Variants in SAR1A observed in about 807,000 individuals in gnomAD.
SAR1A encodes secretion associated Ras related GTPase 1A, also known as small COPII coat GTPase SAR1A.
Under a neutral mutation model 22.6 loss-of-function variants are expected in SAR1A, and 6 were observed. The ratio of observed to expected loss-of-function variants is 0.27; its 90% CI spans 0.15 to 0.52. SAR1A has a LOEUF of 0.52. Among genes scored for constraint, SAR1A ranks in the 20% least tolerant of loss-of-function variants. The pLI, the probability that SAR1A is intolerant of heterozygous loss-of-function variation, is 0.96. For synonymous variants in SAR1A, 70 were observed against 82.2 expected (o/e 0.85, Z 0.80); for missense variants, 145 against 245.1 (o/e 0.59, Z 2.73).
chr10:70,163,983 A>C (rs1443774364), intron 1 of SAR1A: 1 of 1,186,458 alleles, frequency 8.4e-7, no homozygotes, highest in East Asian at 2.3e-5. Context: ...CAATGGCTAT[A>C]TTAGTGGTGT....
Position 70,153,853 on chromosome 10 carries a change from T to C in SAR1A, c.465A>G (p.Gly155=). The change falls in exon 6 of 7, where the codon GGA becomes GGG. Residue 155 remains glycine, a synonymous_variant. Coordinates refer to ENST00000373241, the MANE Select transcript of SAR1A (RefSeq NM_020150.5). ...TTTCTCTTACCTTTCCTGTGGTCTG[T>C]CCATAAAGCCCAAATATCTCACGGA... ...EKLREIFGLY[G]QTTGKGNVTL... is the part of the protein sequence containing the mutation. The C allele has an allele frequency of 1.9e-6, 3 of 1,597,320 alleles. No homozygotes were observed. Among genetic ancestry groups the C allele is most frequent in the Non-Finnish European group, 2.6e-6 (3 of 1,175,622 alleles).
At chr10:70,166,071 T>A (rs1023361569) in intron 1 of SAR1A, among the ~76,000 whole-genome samples, 42 of 152,380 alleles carry the variant, frequency 2.8e-4, no homozygotes, top group African/African-American at 8.4e-4. Flanking sequence ...AAGTATTTTT[T>A]AAATAAGGTA....
In SAR1A at chr10:70,157,780, G is replaced by A; in HGVS notation, c.332C>T (p.Ser111Phe). 6.2e-7 allele frequency: 1 copy of A among 1,612,222 alleles called. No homozygotes were observed. Among genetic ancestry groups the A allele is most frequent in the Non-Finnish European group, 8.5e-7 (1 of 1,178,418 alleles). Residue 111 changes from serine to phenylalanine, a missense_variant, in exon 5 of 7, where the codon TCC (serine) becomes TTC (phenylalanine). Around this residue, in one of 3 missense-constraint regions of SAR1A, gnomAD observed 83 missense variants for 114.7 expected, o/e 0.72. Transcript: ENST00000373241. ...AAAACATACATTAAGCTCAACTTTG[G>A]ATTCCACGAGGCGAGAATGATCTGC... The part of the protein sequence containing the change: ...DCADHSRLVE[S>F]KVELNALMTD...
At chr10:70,157,060 A>C (rs1381292894) in intron 5 of SAR1A, among the ~76,000 whole-genome samples, 2 of 152,082 alleles carry the variant, frequency 1.3e-5, no homozygotes, top group Admixed American at 1.3e-4. Context: ...AATGTAAAGA[A>C]CTCTAATATC....
At chr10:70,169,850 T>C (rs943454726) in intron 1 of SAR1A, among the ~76,000 whole-genome samples, 2 of 152,122 alleles carry the variant, frequency 1.3e-5, no homozygotes, top group Non-Finnish European at 1.5e-5. Flanking sequence ...AATTTTTCCA[T>C]GCAGAGACCA....
chr10:70,164,819 A>C (rs1182414073), intron 1 of SAR1A, among the ~76,000 whole-genome samples: 1 of 152,186 alleles, frequency 6.6e-6, no homozygotes, highest in Non-Finnish European at 1.5e-5. Flanking sequence ...TTTTAAGCCC[A>C]CTGTGAAGAC....
At chr10:70,166,399 T>C (rs1839550810) in intron 1 of SAR1A, among the ~76,000 whole-genome samples, 1 of 152,162 alleles carries the variant, frequency 6.6e-6, no homozygotes, top group Admixed American at 6.5e-5. Flanking sequence ...ATGCACTAAA[T>C]AGAAAATAAG....
At chr10:70,157,895 A>G in intron 4 of SAR1A, 28 bp from the exon 5 acceptor site, 12 of 1,438,394 alleles carry the variant, frequency 8.3e-6, no homozygotes, top group Non-Finnish European at 1.2e-5. Context: ...TAGTTGCATG[A>G]GTAAAAAATA....
rs372392774 is a variant in SAR1A at position 70,161,768 on chromosome 10, T to C, written c.59-30A>G. 8.1e-6 allele frequency: 13 copies of C among 1,613,666 alleles called. No homozygotes were observed. The African/African-American group carries it at 1.2e-4, about 15-fold the overall frequency. Reference sequence around the variant, plus strand: ...AAGAGAAAAAAATTGTTAACACATTTGCTCTCTACAGACCAAAGCCTATTT... The same window carrying C: ...AAGAGAAAAAAATTGTTAACACATTCGCTCTCTACAGACCAAAGCCTATTT... On this transcript the variant is annotated intron_variant, in intron 2 of 6. Transcript: ENST00000373241.
At chr10:70,166,293 C>G (rs1022974266) in intron 1 of SAR1A, among the ~76,000 whole-genome samples, 4 of 152,210 alleles carry the variant, frequency 2.6e-5, no homozygotes, top group African/African-American at 9.6e-5. Context: ...GGCAGCGGTT[C>G]ATTCACATTC....
chr10:70,153,886 T>C lies in SAR1A; in HGVS notation c.432A>G (p.Glu144=), dbSNP rs1344482044. 2.5e-6 allele frequency: 4 copies of C among 1,608,764 alleles called. No individual in the cohort carries two copies. Among genetic ancestry groups the C allele is most frequent in the Non-Finnish European group, 3.4e-6 (4 of 1,178,266 alleles). The part of the protein sequence containing the change: ...NKIDRTDAIS[E]EKLREIFGLY... ...GCCCAAATATCTCACGGAGTTTTTCTTCACTGATTGCATCTGTTCTGTCAA... is the reference window on the plus strand; with the variant it reads ...GCCCAAATATCTCACGGAGTTTTTCCTCACTGATTGCATCTGTTCTGTCAA... Residue 144 remains glutamate (E), a synonymous_variant, in exon 6 of 7, where the codon GAA becomes GAG. Coordinates refer to ENST00000373241, the MANE Select transcript of SAR1A (RefSeq NM_020150.5).
chr10:70,168,103 T>C (rs1375431313), intron 1 of SAR1A, among the ~76,000 whole-genome samples: 1 of 152,216 alleles, frequency 6.6e-6, no homozygotes, highest in African/African-American at 2.4e-5. Context: ...ATTAAGGTCA[T>C]TCCCACTCAG....
rs1037232171 is a variant in SAR1A, at chr10:70,153,877, G to C, written c.441C>G (p.Leu147=). 1 of 1,606,866 alleles carries C rather than the reference G, an allele frequency of 6.2e-7. No individual in the cohort carries two copies. The highest frequency in any genetic ancestry group is 1.7e-5 in the Admixed American group (1 of 58,504). ...DRTDAISEEK[L]REIFGLYGQT... ...GTCCATAAAGCCCAAATATCTCACG[G>C]AGTTTTTCTTCACTGATTGCATCTG... Residue 147 remains leucine (L), a synonymous_variant, in exon 6 of 7, where the codon CTC becomes CTG. Coordinates refer to ENST00000373241, the MANE Select transcript of SAR1A (RefSeq NM_020150.5).
chr10:70,170,361 T>A (rs1839611545), intron 1 of SAR1A, 52 bp downstream of exon 1: 1 of 120,906 alleles, frequency 8.3e-6, no homozygotes, highest in African/African-American at 3.2e-5. Context: ...CCGCCTTCCG[T>A]CCCAGCCCCT....
intron 4 of SAR1A, among the ~76,000 whole-genome samples, chr10:70,158,473 G>C (rs1248481319): frequency 6.6e-6 from 1 of 152,136 alleles, no homozygotes; most frequent in African/African-American, 2.4e-5. Context: ...ATTTAACCCA[G>C]CATGCCTTAT....
At chr10:70,167,642 G>C (rs1338532877) in intron 1 of SAR1A, 1 of 151,912 alleles carries the variant, frequency 6.6e-6, no homozygotes, top group Non-Finnish European at 1.5e-5. Flanking sequence ...AGTAGAGCTG[G>C]TATGTTTTTC....
intron 5 of SAR1A, 152 bp from the exon 6 acceptor site, chr10:70,154,121 A>G: frequency 1.8e-6 from 1 of 563,308 alleles, no homozygotes. Flanking sequence ...TGAGTGATTA[A>G]AGATTCACCT....
intron 4 of SAR1A, 132 bp downstream of exon 4, chr10:70,160,872 T>C (rs1839459641): frequency 1.6e-6 from 1 of 623,772 alleles, no homozygotes; most frequent in Non-Finnish European, 2.8e-6. Flanking sequence ...ACAACTTCAC[T>C]AAAGTAATAA....
chr10:70,160,850 T>A (rs1486436490), intron 4 of SAR1A, among the ~76,000 whole-genome samples, 154 bp downstream of exon 4: 1 of 152,138 alleles, frequency 6.6e-6, no homozygotes, highest in East Asian at 1.9e-4. Flanking sequence ...CTTAAAAAAA[T>A]AAATGAATAA....
Sources: allele counts gnomAD v4.1 joint callset (sites outside exome capture counted in the v4.1 genomes callset), GRCh38; gene constraint gnomAD v4.1.1; regional missense constraint gnomAD v4.1.1; transcripts MANE v1.5; gene names NCBI Gene and HGNC (gene_info 2026-07-23, HGNC 2026-07-21).